PIN1: variants seen among roughly 807,000 people sequenced by gnomAD.
PIN1 encodes the protein peptidylprolyl cis/trans isomerase, NIMA-interacting 1.
In PIN1, 8 loss-of-function variants were observed where a neutral mutation model predicts 19.9. That is an observed-to-expected ratio of 0.40 (90% CI 0.24 to 0.72). The LOEUF is 0.72. Ranked by LOEUF, PIN1 falls within the 30% of genes least tolerant of loss-of-function variation. The pLI, the probability that PIN1 is intolerant of heterozygous loss-of-function variation, is 0.37. For synonymous variants in PIN1, 86 were observed against 90.8 expected (o/e 0.95, Z 0.30); for missense variants, 185 against 226.5 (o/e 0.82, Z 1.18).
rs556286079 is a variant in PIN1, at chr19:9,847,900, G to A, written c.272-130G>A. The A allele has an allele frequency of 3.3e-4, 233 of 706,536 alleles. 1 individual carries two copies. Among genetic ancestry groups the A allele is most frequent in the African/African-American group, 1.8e-3 (103 of 57,590 alleles). 43.8% of individuals were successfully genotyped at this position (706,536 alleles called of 1,614,324 possible). On this transcript the variant is annotated intron_variant, in intron 2 of 3. Coordinates refer to ENST00000247970, the MANE Select transcript of PIN1 (RefSeq NM_006221.4). Reference sequence around the variant, plus strand: ...GAGAGGGGTTGTGGGGAGCATGTGCGCCTGTGAGGGGAGGCTTTCCAACTG... The same window carrying A: ...GAGAGGGGTTGTGGGGAGCATGTGCACCTGTGAGGGGAGGCTTTCCAACTG...
chr19:9,838,047 T>G lies in PIN1; in HGVS notation c.59-389T>G. ...CAAGGCCCAGGGAAGATATATCACA[T>G]TTGAACCCAGATTCAGATTTGAATC... is the stretch of plus-strand genomic sequence containing the variant. On this transcript the variant is annotated intron_variant, in intron 1 of 3. Transcript: ENST00000247970. The surrounding 1 kb of genome is among the most constrained non-coding windows in gnomAD (Gnocchi z 5.8). The G allele has an allele frequency of 3.0e-6, 1 of 335,400 alleles. No individual in the cohort carries two copies. The highest frequency in any genetic ancestry group is 2.1e-5 in the African/African-American group (1 of 47,108). The allele number at this position is 335,400 out of a possible 1,614,324, so 20.8% of individuals were successfully genotyped here. A position where few individuals can be genotyped will look rare whatever the true frequency, so the allele number is the denominator to read the frequency against.
intron 2 of PIN1, among the ~76,000 whole-genome samples, chr19:9,840,083 G>A: frequency 6.6e-6 from 1 of 152,160 alleles, no homozygotes; most frequent in East Asian, 1.9e-4. Flanking sequence ...TTTGACAGCG[G>A]GAATATAAAA....
chr19:9,845,377 TTTTGTTTGTTTGTTTG>T (rs58093619), intron 2 of PIN1, among the ~76,000 whole-genome samples: 2 of 48,452 alleles, frequency 4.1e-5, no homozygotes, highest in Admixed American at 3.2e-4. Context: ...GAAAGCGTTT[TTTTGTTTGTTTGTTTG>T]TTTGTTTGTT....
At position 9,838,483 on chromosome 19, in the gene PIN1, C is replaced by A. The variant is rs370116472; in HGVS notation, c.106C>A (p.Arg36=). Residue 36 remains arginine (R), a synonymous_variant, in exon 2 of 4, where the codon CGG becomes AGG. Transcript: ENST00000247970. This position sits in a 1 kb window ranked among gnomAD's most constrained non-coding sequence, Gnocchi z 5.8. ...NHITNASQWE[R]PSGNSSSGGK... ...CATCACTAACGCCAGCCAGTGGGAG[C>A]GGCCCAGCGGCAACAGCAGCAGTGG... 3.1e-6 allele frequency: 5 copies of A among 1,609,086 alleles called. No homozygotes were observed. Among genetic ancestry groups the A allele is most frequent in the Non-Finnish European group, 4.2e-6 (5 of 1,178,594 alleles).
At position 9,846,510 on chromosome 19, in the gene PIN1, T is replaced by C. The variant is rs1368913621; in HGVS notation, c.272-1520T>C. ...GCTCAGATACCAGGACACTGGTGGC[T>C]GCCATGACGTGCAGCCAAACAGGGA... On this transcript the variant is annotated intron_variant, in intron 2 of 3. Transcript: ENST00000247970. The surrounding 1 kb of genome is among the most constrained non-coding windows in gnomAD (Gnocchi z 5.9). 6.6e-6 allele frequency among the ~76,000 whole-genome samples: 1 copy of C among 152,138 alleles called. No homozygotes were observed. Among genetic ancestry groups the C allele is most frequent in the African/African-American group, 2.4e-5 (1 of 41,430 alleles).
rs1430869124 is a variant in PIN1 at position 9,838,256 on chromosome 19, C to T, written c.59-180C>T. 5.2e-5 allele frequency: 35 copies of T among 679,316 alleles called. No homozygotes were observed. The East Asian group carries it at 9.5e-4, about 18-fold the overall frequency. The allele number at this position is 679,316 out of a possible 1,614,324, so 42.1% of individuals were successfully genotyped here. ...AATGTTAGCTCTCTAAGGGCAGGGA[C>T]TGTATCCTGCCACATTGGCCCACGT... On this transcript the variant is annotated intron_variant, in intron 1 of 3. Transcript: ENST00000247970. The surrounding 1 kb of genome is among the most constrained non-coding windows in gnomAD (Gnocchi z 5.8).
rs3837946 is a variant in PIN1 at position 9,845,244 on chromosome 19, T to TTTTGTTTGTTTGTTTG, written c.272-2765_272-2750dup. Among the ~76,000 whole-genome samples the TTTTGTTTGTTTGTTTG allele has an allele frequency of 6.5e-5, 8 of 122,384 alleles. No individual in the cohort carries two copies. In the East Asian group the frequency reaches 6.6e-4, roughly 10 times the overall value. The allele number at this position is 122,384 out of a possible 152,430, so 80.3% of individuals were successfully genotyped here. On this transcript the variant is annotated intron_variant, in intron 2 of 3. Transcript: ENST00000247970. ...GAGCAGGAACTCAGGAAGAAAGCGT[T>TTTTGTTTGTTTGTTTG]TTTGTTTGTTTGTTTGTTTGTTTGT... is the stretch of plus-strand genomic sequence containing the variant.
rs368009343 is a variant in PIN1 at position 9,838,590 on chromosome 19, G to A, written c.213G>A (p.Ser71=). ...AGCACAGCCAGTCACGGCGGCCCTCGTCCTGGCGGCAGGAGAAGATCACCC... is the reference window on the plus strand; with the variant it reads ...AGCACAGCCAGTCACGGCGGCCCTCATCCTGGCGGCAGGAGAAGATCACCC... ...LVKHSQSRRP[S]SWRQEKITRT... The change falls in exon 2 of 4, where the codon TCG becomes TCA. Residue 71 remains serine (S), a synonymous_variant. Transcript: ENST00000247970. The surrounding 1 kb of genome is among the most constrained non-coding windows in gnomAD (Gnocchi z 5.8). 5.3e-5 allele frequency: 83 copies of A among 1,558,524 alleles called. No homozygotes were observed. The highest frequency in any genetic ancestry group is 6.1e-5 in the Non-Finnish European group (70 of 1,151,600).
At position 9,847,306 on chromosome 19, in the gene PIN1, C is replaced by T. The variant is rs140459046; in HGVS notation, c.272-724C>T. On this transcript the variant is annotated intron_variant, in intron 2 of 3. Transcript: ENST00000247970. ...TAACTCCACCAGCCCTGGCCTCCTC[C>T]GCCTCCTGGAGAGTCAGAGCCGATG... is the stretch of plus-strand genomic sequence containing the variant. 3.4e-4 allele frequency among the ~76,000 whole-genome samples: 52 copies of T among 152,312 alleles called. 1 individual carries two copies. Among genetic ancestry groups the T allele is most frequent in the Admixed American group, 1.2e-3 (19 of 15,312 alleles).
At chr19:9,840,723 A>G (rs561305263) in intron 2 of PIN1, among the ~76,000 whole-genome samples, 1 of 152,266 alleles carries the variant, frequency 6.6e-6, no homozygotes, top group Admixed American at 6.5e-5. Flanking sequence ...CAGCCTCCCA[A>G]GTAGCTGGGA....
Position 9,849,084 on chromosome 19 carries a change from T to C in PIN1, c.383-6T>C. 4 of 1,607,932 alleles carry C rather than the reference T, an allele frequency of 2.5e-6. No individual in the cohort carries two copies. Among genetic ancestry groups the C allele is most frequent in the Non-Finnish European group, 3.4e-6 (4 of 1,174,760 alleles). ...TGACACCCCCACCGCCCCTCCTGGC[T>C]CCCAGGTCAGATGCAGAAGCCATTT... On this transcript the variant is annotated splice_polypyrimidine_tract_variant and splice_region_variant and intron_variant, in intron 3 of 3. Coordinates refer to ENST00000247970, the MANE Select transcript of PIN1 (RefSeq NM_006221.4).
intron 2 of PIN1, among the ~76,000 whole-genome samples, chr19:9,840,947 C>T (rs921250600): frequency 6.6e-6 from 1 of 152,188 alleles, no homozygotes; most frequent in African/African-American, 2.4e-5. Context: ...AGACCCACTT[C>T]ACAGGGTAGT....
intron 2 of PIN1, among the ~76,000 whole-genome samples, chr19:9,842,228 G>GACCC (rs2046174456): frequency 6.6e-6 from 1 of 152,196 alleles, no homozygotes; most frequent in South Asian, 2.1e-4. Flanking sequence ...TCAGGAGGCA[G>GACCC]GATAGAGAGG....
chr19:9,836,736 T>A, intron 1 of PIN1: 1 of 868,870 alleles, frequency 1.2e-6, no homozygotes, highest in South Asian at 1.4e-5. Context: ...TGCAACACCA[T>A]GCACGGTGTA....
chr19:9,845,377 T>TTTTGTTTG (rs58093619), intron 2 of PIN1, among the ~76,000 whole-genome samples: 2 of 48,450 alleles, frequency 4.1e-5, no homozygotes, highest in African/African-American at 1.1e-4. Context: ...GAAAGCGTTT[T>TTTTGTTTG]TTTGTTTGTT....
chr19:9,835,491 C>A (rs1179456337), intron 1 of PIN1, 89 bp downstream of exon 1: 1 of 913,384 alleles, frequency 1.1e-6, no homozygotes, highest in Non-Finnish European at 1.5e-6. Flanking sequence ...GGCAGCGCTG[C>A]CTCCCTCCCA....
intron 2 of PIN1, among the ~76,000 whole-genome samples, chr19:9,841,089 A>G (rs1031557985): frequency 6.6e-6 from 1 of 152,166 alleles, no homozygotes; most frequent in Non-Finnish European, 1.5e-5. Flanking sequence ...CACAGAGTGT[A>G]CACTCGGTCA....
intron 2 of PIN1, among the ~76,000 whole-genome samples, chr19:9,843,169 C>T (rs752557957): frequency 6.6e-6 from 1 of 152,250 alleles, no homozygotes; most frequent in Admixed American, 6.5e-5. Flanking sequence ...TGGAGGGTCC[C>T]AGCAAGGCTG....
At chr19:9,847,375 C>G (rs1052933937) in intron 2 of PIN1, among the ~76,000 whole-genome samples, 9 of 152,166 alleles carry the variant, frequency 5.9e-5, no homozygotes, top group African/African-American at 9.7e-5. Context: ...TGAGTTCTGC[C>G]AGCATGCAGA....
Sources: gnomAD v4.1 joint callset for allele counts (sites outside exome capture counted in the v4.1 genomes callset) on GRCh38, gnomAD v4.1.1 for gene constraint, Gnocchi (gnomAD v3.1) non-coding constraint, MANE v1.5 for transcripts, NCBI Gene and HGNC (gene_info 2026-07-23, HGNC 2026-07-21) for gene names.